The following PPARG variants were observed in gnomAD, a reference collection of about 807,000 sequenced individuals.
PPARG encodes peroxisome proliferator activated receptor gamma.
PPARG carries 17 observed loss-of-function variants against 39.2 expected under a neutral mutation model. The observed-to-expected ratio is 0.43, with a 90% CI of 0.30 to 0.65. PPARG has a LOEUF of 0.65. Among genes scored for constraint, PPARG ranks in the 30% least tolerant of loss-of-function variants. The pLI, the probability that PPARG is intolerant of heterozygous loss-of-function variation, is 0.13. For synonymous variants in PPARG, 223 were observed against 215.7 expected (o/e 1.03, Z -0.30); for missense variants, 406 against 585.9 (o/e 0.69, Z 3.17).
At chr3:12,291,347 G>C (rs964013875) in intron 1 of PPARG, among the ~76,000 whole-genome samples, 1 of 152,140 alleles carries the variant, frequency 6.6e-6, no homozygotes, top group Non-Finnish European at 1.5e-5. Context: ...CAAAAGAATA[G>C]TAAGAGTTGT....
At chr3:12,432,152 T>C (rs1421572371) in intron 7 of PPARG, among the ~76,000 whole-genome samples, 4 of 152,158 alleles carry the variant, frequency 2.6e-5, no homozygotes. Context: ...TAAGAAACCG[T>C]CAGGGAACAG....
intron 2 of PPARG, among the ~76,000 whole-genome samples, chr3:12,321,745 C>T (rs1278025354): frequency 6.6e-6 from 1 of 152,182 alleles, no homozygotes; most frequent in Non-Finnish European, 1.5e-5. Flanking sequence ...GGGTCAGACA[C>T]ACCAGGCTGC....
At chr3:12,337,235 A>G (rs951982196) in intron 2 of PPARG, among the ~76,000 whole-genome samples, 1 of 152,168 alleles carries the variant, frequency 6.6e-6, no homozygotes, top group African/African-American at 2.4e-5. Flanking sequence ...GTCTTAGTGG[A>G]TGGCAGAAAA....
chr3:12,370,891 A>G (rs1037848139), intron 2 of PPARG, among the ~76,000 whole-genome samples: 4 of 152,212 alleles, frequency 2.6e-5, no homozygotes, highest in Admixed American at 6.5e-5. Flanking sequence ...ATGAGTAACC[A>G]AGAGGAGCTG....
At chr3:12,374,554 G>A (rs4135318) in intron 2 of PPARG, among the ~76,000 whole-genome samples, 17,515 of 152,056 alleles carry the variant, frequency 0.12, 3,288 homozygotes, top group African/African-American at 0.4. Context: ...AGCCAAGATC[G>A]TGCCACTGCA....
At chr3:12,410,262 C>T (rs2050835323) in intron 6 of PPARG, among the ~76,000 whole-genome samples, 1 of 152,148 alleles carries the variant, frequency 6.6e-6, no homozygotes, top group Non-Finnish European at 1.5e-5. Flanking sequence ...CATGCATATG[C>T]CAGAACTAGG....
intron 2 of PPARG, among the ~76,000 whole-genome samples, chr3:12,318,351 T>G (rs534254688): frequency 2.0e-5 from 3 of 152,338 alleles, no homozygotes; most frequent in African/African-American, 7.2e-5. Flanking sequence ...TTACCACCTT[T>G]AAGTCTAAGT....
intron 6 of PPARG, among the ~76,000 whole-genome samples, chr3:12,408,449 G>T (rs2050751627): frequency 1.3e-5 from 2 of 151,796 alleles, no homozygotes; most frequent in Non-Finnish European, 1.5e-5. Context: ...TAGCTGATTG[G>T]ACTACAGAAA....
chr3:12,332,414 T>C (rs2047887875), intron 2 of PPARG, among the ~76,000 whole-genome samples: 1 of 152,228 alleles, frequency 6.6e-6, no homozygotes, highest in Non-Finnish European at 1.5e-5. Flanking sequence ...GGAAGTGCTC[T>C]GGAAGCTGCT....
At position 12,379,827 on chromosome 3, in the gene PPARG, A is replaced by C; in HGVS notation, c.116A>C (p.Asp39Ala). The change falls in exon 3 of 8, where the codon GAC (aspartate) becomes GCC (alanine). Residue 39 changes from aspartate (D) to alanine (A), a missense_variant. By Grantham distance (126) the Asp-to-Ala change is moderately radical. This residue lies in a region of PPARG where 131 missense variants were observed against 127.9 expected (regional missense o/e 1.02). Coordinates refer to ENST00000651735, the MANE Select transcript of PPARG (RefSeq NM_138711.6). ...SFDIKPFTTV[D>A]FSSISTPHYE... ...GATATCAAGCCCTTCACTACTGTTG[A>C]CTTCTCCAGCATTTCTACTCCACAT... The C allele has an allele frequency of 6.2e-7, 1 of 1,613,940 alleles. No individual in the cohort carries two copies. The highest frequency in any genetic ancestry group is 8.5e-7 in the Non-Finnish European group (1 of 1,179,870).
At chr3:12,330,508 T>G (rs1269965285) in intron 2 of PPARG, among the ~76,000 whole-genome samples, 1 of 152,134 alleles carries the variant, frequency 6.6e-6, no homozygotes, top group Admixed American at 6.6e-5. Flanking sequence ...CTTTCTATTC[T>G]TCTCTCACTT....
At chr3:12,345,463 G>A (rs1008853155) in intron 2 of PPARG, among the ~76,000 whole-genome samples, 1 of 152,072 alleles carries the variant, frequency 6.6e-6, no homozygotes, top group Non-Finnish European at 1.5e-5. Context: ...TGGCATTAAG[G>A]ATCATTGACC....
At chr3:12,420,283 A>ATCCACCTCCCCGATTGTGCT (rs2051217176) in intron 7 of PPARG, among the ~76,000 whole-genome samples, 1 of 152,212 alleles carries the variant, frequency 6.6e-6, no homozygotes, top group Non-Finnish European at 1.5e-5. Context: ...CGAGGATGAG[A>ATCCACCTCCCCGATTGTGCT]TCCACCTCCC....
chr3:12,294,346 AT>A (rs1370995496), intron 1 of PPARG, among the ~76,000 whole-genome samples: 2 of 152,240 alleles, frequency 1.3e-5, no homozygotes, highest in African/African-American at 4.8e-5. Flanking sequence ...AAGAAATGTA[AT>A]CACAGTTCAA....
intron 2 of PPARG, among the ~76,000 whole-genome samples, chr3:12,375,122 C>T (rs2049360900): frequency 2.6e-5 from 4 of 152,144 alleles, no homozygotes; most frequent in Admixed American, 2.0e-4. Flanking sequence ...CACAGTGGCT[C>T]ACGCCTATAT....
intron 1 of PPARG, among the ~76,000 whole-genome samples, chr3:12,294,841 C>T (rs1258166636): frequency 2.0e-5 from 3 of 152,030 alleles, no homozygotes; most frequent in Admixed American, 1.3e-4. Context: ...TGCAGTGAGC[C>T]GAGATCACGC....
intron 2 of PPARG, among the ~76,000 whole-genome samples, chr3:12,330,262 A>G (rs565330993): frequency 8.3e-5 from 12 of 145,252 alleles, no homozygotes; most frequent in African/African-American, 2.8e-4. Flanking sequence ...TGCAATATAT[A>G]TGGGTTCTAA....
intron 2 of PPARG, among the ~76,000 whole-genome samples, chr3:12,320,607 G>A (rs1448070503): frequency 1.3e-5 from 2 of 152,206 alleles, no homozygotes; most frequent in African/African-American, 4.8e-5. Context: ...CAGGTGGGTG[G>A]GTTACACCTG....
intron 4 of PPARG, among the ~76,000 whole-genome samples, chr3:12,386,441 C>CA (rs2049875598): frequency 6.6e-6 from 1 of 151,356 alleles, no homozygotes; most frequent in African/African-American, 2.4e-5. Context: ...TGGATCATCA[C>CA]AAAAAATGTG....
Sources: gnomAD v4.1 joint callset for allele counts (sites outside exome capture counted in the v4.1 genomes callset) on GRCh38, gnomAD v4.1.1 for gene constraint, gnomAD v4.1.1 regional missense constraint, MANE v1.5 for transcripts, NCBI Gene and HGNC (gene_info 2026-07-23, HGNC 2026-07-21) for gene names.